Variants in GABRP observed in about 807,000 individuals in gnomAD.
The protein encoded by GABRP is gamma-aminobutyric acid receptor subunit pi.
A neutral mutation model predicts 47.8 loss-of-function variants in GABRP; 52 were observed. The observed-to-expected ratio is 1.09, with a 90% CI of 0.87 to 1.37. The LOEUF is 1.37. GABRP is among the 40% of genes most tolerant of loss of function. The probability of loss-of-function intolerance (pLI) is 0.00; values close to 1 mark genes in which losing one functional copy is unlikely to be tolerated. For synonymous variants in GABRP, 221 were observed against 205.8 expected (o/e 1.07, Z -0.63); for missense variants, 525 against 542.8 (o/e 0.97, Z 0.33).
At chr5:170,794,816 A>T (rs1429460488) in intron 4 of GABRP, among the ~76,000 whole-genome samples, 1 of 151,910 alleles carries the variant, frequency 6.6e-6, no homozygotes, top group African/African-American at 2.4e-5. Flanking sequence ...TGGACAACCT[A>T]AGCACTTAGC....
intron 9 of GABRP, among the ~76,000 whole-genome samples, chr5:170,810,442 C>A (rs1430005132): frequency 2.0e-5 from 3 of 152,038 alleles, no homozygotes; most frequent in Non-Finnish European, 4.4e-5. Context: ...AAGAGACTTA[C>A]CGCAGGGGAT....
At chr5:170,786,239 G>T (rs1170671724) in intron 1 of GABRP, among the ~76,000 whole-genome samples, 1 of 152,176 alleles carries the variant, frequency 6.6e-6, no homozygotes, top group Non-Finnish European at 1.5e-5. Context: ...GACAGGGAAA[G>T]GACAGGGATT....
At chr5:170,784,034 G>A (rs550153122) in intron 1 of GABRP, among the ~76,000 whole-genome samples, 160 bp downstream of exon 1, 1 of 152,216 alleles carries the variant, frequency 6.6e-6, no homozygotes, top group East Asian at 1.9e-4. Flanking sequence ...GCAGAGCCAA[G>A]ATTAGAGCCC....
At chr5:170,794,676 G>T (rs988978572) in intron 4 of GABRP, among the ~76,000 whole-genome samples, 3 of 152,032 alleles carry the variant, frequency 2.0e-5, no homozygotes, top group Non-Finnish European at 4.4e-5. Flanking sequence ...TTTATAATGG[G>T]GGAGACAACC....
intron 9 of GABRP, 47 bp downstream of exon 9, chr5:170,809,802 T>C: frequency 6.5e-7 from 1 of 1,538,342 alleles, no homozygotes; most frequent in Non-Finnish European, 8.8e-7. Flanking sequence ...TGGTGCCGTG[T>C]GCTGATCTGT....
chr5:170,794,764 G>A (rs1765376570), intron 4 of GABRP, among the ~76,000 whole-genome samples: 2 of 151,908 alleles, frequency 1.3e-5, no homozygotes, highest in South Asian at 4.2e-4. Context: ...CAAACTAAAG[G>A]CAGTTTGCCA....
intron 3 of GABRP, among the ~76,000 whole-genome samples, chr5:170,791,759 G>A (rs1008686008): frequency 7.9e-5 from 12 of 152,222 alleles, no homozygotes; most frequent in East Asian, 7.7e-4. Context: ...TGCCGTAACC[G>A]TGCCAACCCA....
chr5:170,792,288 C>A (rs1039814879), intron 3 of GABRP, among the ~76,000 whole-genome samples: 4 of 152,010 alleles, frequency 2.6e-5, no homozygotes, highest in Admixed American at 6.6e-5. Context: ...ACTAAAAATA[C>A]AAACATTAGC....
chr5:170,803,061 A>T (rs1465101284), intron 6 of GABRP, among the ~76,000 whole-genome samples: 1 of 152,082 alleles, frequency 6.6e-6, no homozygotes, highest in African/African-American at 2.4e-5. Context: ...TGTACTACCC[A>T]CTTTCATAGA....
chr5:170,811,271 T>C (rs1409509005), intron 9 of GABRP, among the ~76,000 whole-genome samples: 1 of 151,080 alleles, frequency 6.6e-6, no homozygotes, highest in Non-Finnish European at 1.5e-5. Context: ...ACCCCACACC[T>C]AGCAAGCGGC....
intron 6 of GABRP, among the ~76,000 whole-genome samples, chr5:170,804,013 C>T (rs532491493): frequency 4.6e-5 from 7 of 152,284 alleles, no homozygotes; most frequent in African/African-American, 1.7e-4. Context: ...GGTGATCCAC[C>T]TGCCTCAGCC....
In GABRP at chr5:170,808,594, T is replaced by G; in HGVS notation, c.680-6T>G. The G allele has an allele frequency of 6.2e-7, 1 of 1,612,968 alleles. No homozygotes were observed. Among genetic ancestry groups the G allele is most frequent in the Non-Finnish European group, 8.5e-7 (1 of 1,179,254 alleles). On this transcript the variant is annotated splice_polypyrimidine_tract_variant and splice_region_variant and intron_variant, in intron 7 of 9. Transcript: ENST00000265294. Reference sequence around the variant, plus strand: ...ACAATTTCCTATCTGTTGTTTACCCTTTCAGGAAATTACACTAGATTGGTC... The same window carrying G: ...ACAATTTCCTATCTGTTGTTTACCCGTTCAGGAAATTACACTAGATTGGTC...
intron 6 of GABRP, among the ~76,000 whole-genome samples, chr5:170,803,996 G>A (rs1227770167): frequency 9.9e-5 from 15 of 152,044 alleles, no homozygotes; most frequent in Admixed American, 9.2e-4. Context: ...TCAAACTCCC[G>A]ACCACAGGTG....
intron 1 of GABRP, among the ~76,000 whole-genome samples, chr5:170,787,547 C>A (rs1235002667): frequency 6.6e-6 from 1 of 152,194 alleles, no homozygotes; most frequent in Non-Finnish European, 1.5e-5. Context: ...TAGGAGGTCA[C>A]GACAGCAGCA....
At chr5:170,798,729 G>C (rs1384877609) in intron 6 of GABRP, among the ~76,000 whole-genome samples, 1 of 151,618 alleles carries the variant, frequency 6.6e-6, no homozygotes, top group Non-Finnish European at 1.5e-5. Flanking sequence ...TATGTCCAGG[G>C]CTACATTTTT....
chr5:170,790,492 A>C (rs1329054280), intron 3 of GABRP, among the ~76,000 whole-genome samples: 1 of 152,126 alleles, frequency 6.6e-6, no homozygotes, highest in Admixed American at 6.6e-5. Flanking sequence ...GGTAGTCCAG[A>C]TCCTCCGGGC....
intron 3 of GABRP, 23 bp downstream of exon 3, chr5:170,789,270 G>A (rs751207851): frequency 4.0e-6 from 6 of 1,491,708 alleles, no homozygotes; most frequent in South Asian, 3.4e-5. Flanking sequence ...CTGTGTCCAG[G>A]ACATCATTCA....
In GABRP at chr5:170,812,188, C is replaced by A. The variant is rs144038090; in HGVS notation, c.1253C>A (p.Ser418Tyr). ...AACCCCAGTAATGTTGATCACTATT[C>A]CAAACTACTGTTTCCTTTGATTTTT... ...IQNPSNVDHY[S>Y]KLLFPLIFML... Residue 418 changes from serine to tyrosine, a missense_variant, in exon 10 of 10, where the codon TCC (serine) becomes TAC (tyrosine). Transcript: ENST00000265294. 6.2e-7 allele frequency: 1 copy of A among 1,613,792 alleles called. No homozygotes were observed. The highest frequency in any genetic ancestry group is 1.1e-5 in the South Asian group (1 of 91,064).
At chr5:170,784,687 G>A (rs1765083608) in intron 1 of GABRP, among the ~76,000 whole-genome samples, 1 of 152,200 alleles carries the variant, frequency 6.6e-6, no homozygotes, top group African/African-American at 2.4e-5. Flanking sequence ...GAATTCCCAT[G>A]GAAGACACGG....
Sources: allele counts gnomAD v4.1 joint callset (sites outside exome capture counted in the v4.1 genomes callset), GRCh38; gene constraint gnomAD v4.1.1; transcripts MANE v1.5; gene names NCBI Gene and HGNC (gene_info 2026-07-23, HGNC 2026-07-21).